Variants in QSER1 observed in about 807,000 individuals in gnomAD.
The protein encoded by QSER1 is glutamine and serine rich 1.
In QSER1, 49 loss-of-function variants were observed where a neutral mutation model predicts 158.5. The ratio of observed to expected loss-of-function variants is 0.31; its 90% CI spans 0.25 to 0.39. The LOEUF (loss-of-function observed/expected upper bound fraction) is 0.39. Ranked by LOEUF, QSER1 falls within the 10% of genes least tolerant of loss-of-function variation. The pLI, the probability that QSER1 is intolerant of heterozygous loss-of-function variation, is 1.00. For missense variants in QSER1, 1,754 were observed against 2,010.3 expected, an observed-to-expected ratio of 0.87 and a Z score of 2.44; for synonymous variants, 650 against 715.5, an observed-to-expected ratio of 0.91 and a Z score of 1.46.
intron 1 of QSER1, among the ~76,000 whole-genome samples, chr11:32,895,805 T>C (rs990809122): frequency 2.0e-5 from 3 of 152,152 alleles, no homozygotes; most frequent in African/African-American, 4.8e-5. Flanking sequence ...TTTTCATCAG[T>C]TGATGGGAAG....
At chr11:32,911,763 A>C (rs1048097974) in intron 1 of QSER1, among the ~76,000 whole-genome samples, 1 of 152,228 alleles carries the variant, frequency 6.6e-6, no homozygotes, top group Admixed American at 6.5e-5. Flanking sequence ...CTCTCCAGCC[A>C]TGCTGAACTG....
chr11:32,916,713 A>T (rs1851835037), intron 1 of QSER1, among the ~76,000 whole-genome samples: 1 of 152,210 alleles, frequency 6.6e-6, no homozygotes, highest in Non-Finnish European at 1.5e-5. Context: ...AAGGTACAGT[A>T]AAAATAAGGT....
chr11:32,966,365 A>G lies in QSER1; in HGVS notation c.5035A>G (p.Lys1679Glu). The change falls in exon 9 of 13, where the codon AAG (lysine) becomes GAG (glutamate). Residue 1679 changes from lysine (K) to glutamate (E), a missense_variant. Lys to Glu is a moderately conservative substitution (Grantham distance 56). Around this residue, in one of 2 missense-constraint regions of QSER1, gnomAD observed 1,707 missense variants for 1,919.6 expected, o/e 0.89. Transcript: ENST00000650167. ...LNTRAMKETF[K>E]SYMELLVSIA... ...CACAAGAGCAATGAAGGAAACCTTT[A>G]AGAGCTACATGGAATTGCTTGTTAG... is the stretch of plus-strand genomic sequence containing the variant. The G allele has an allele frequency of 6.2e-7, 1 of 1,614,112 alleles. No homozygotes were observed. Among genetic ancestry groups the G allele is most frequent in the Non-Finnish European group, 8.5e-7 (1 of 1,179,980 alleles).
intron 1 of QSER1, among the ~76,000 whole-genome samples, chr11:32,896,196 G>A (rs1851552250): frequency 6.6e-6 from 1 of 152,170 alleles, no homozygotes; most frequent in Non-Finnish European, 1.5e-5. Context: ...TCAAGAGTCT[G>A]CAGATCCATT....
At chr11:32,955,842 A>T in intron 6 of QSER1, 146 bp from the exon 7 acceptor site, 1 of 639,172 alleles carries the variant, frequency 1.6e-6, no homozygotes, top group Non-Finnish European at 2.7e-6. Context: ...TGAGCCTGGG[A>T]TCAGTTTTTG....
At position 32,932,740 on chromosome 11, in the gene QSER1, G is replaced by T; in HGVS notation, c.1482G>T (p.Lys494Asn). 1 of 1,614,100 alleles carries T rather than the reference G, an allele frequency of 6.2e-7. No individual in the cohort carries two copies. Residue 494 changes from lysine (K) to asparagine (N), a missense_variant, in exon 4 of 13, where the codon AAG becomes AAT. Coordinates refer to ENST00000650167, the MANE Select transcript of QSER1 (RefSeq NM_001076786.3). ...ATTCACAGGTTTATAGGTCCAGCAAGGTTGAGAAATTGCCACCCTTGTATA... is the reference window on the plus strand; with the variant it reads ...ATTCACAGGTTTATAGGTCCAGCAATGTTGAGAAATTGCCACCCTTGTATA... ...IVHSQVYRSSKVEKLPPLYKT... is the reference protein window; with the variant it reads ...IVHSQVYRSSNVEKLPPLYKT...
Position 32,958,085 on chromosome 11 carries a change from G to A in QSER1, c.4968G>A (p.Glu1656=), listed in dbSNP as rs1019401795. ...TCCATACTAGTAGTAGTGACGATGA[G>A]GGTGAGTTTTCCGTGAAATGGCTAC... The part of the protein sequence containing the change: ...PEIHTSSSDD[E]EFEPPAPFVT... The change falls in exon 8 of 13, where the codon GAG becomes GAA. Residue 1656 remains glutamate (E), a splice_region_variant and synonymous_variant. Coordinates refer to ENST00000650167, the MANE Select transcript of QSER1 (RefSeq NM_001076786.3). 1.2e-6 allele frequency: 2 copies of A among 1,612,624 alleles called. No individual in the cohort carries two copies. The highest frequency in any genetic ancestry group is 1.7e-5 in the Admixed American group (1 of 59,958).
At chr11:32,966,539 T>C in intron 9 of QSER1, 102 bp downstream of exon 9, 1 of 1,009,452 alleles carries the variant, frequency 9.9e-7, no homozygotes, top group Non-Finnish European at 1.4e-6. Flanking sequence ...GTGTAATATA[T>C]ACCTATAAAT....
At chr11:32,945,065 C>CT (rs1192134568) in intron 4 of QSER1, among the ~76,000 whole-genome samples, 5 of 128,270 alleles carry the variant, frequency 3.9e-5, no homozygotes, top group African/African-American at 1.5e-4. Context: ...CAACCCCTGC[C>CT]TTTTTTTGTT....
At chr11:32,923,755 A>G (rs745327505) in intron 1 of QSER1, among the ~76,000 whole-genome samples, 15 of 151,838 alleles carry the variant, frequency 9.9e-5, no homozygotes, top group Non-Finnish European at 1.8e-4. Context: ...GGATCACGAG[A>G]TCAGAAGATC....
chr11:32,910,772 A>G (rs144193059), intron 1 of QSER1, among the ~76,000 whole-genome samples: 181 of 152,330 alleles, frequency 1.2e-3, no homozygotes, highest in African/African-American at 4.1e-3. Context: ...CAAAATGGAC[A>G]TTTTAGATCT....
chr11:32,945,222 T>C (rs1316486930), intron 4 of QSER1, among the ~76,000 whole-genome samples: 2 of 149,600 alleles, frequency 1.3e-5, no homozygotes, highest in African/African-American at 4.9e-5. Flanking sequence ...AATTGGAGCA[T>C]TTAGTCCATT....
chr11:32,920,779 A>T (rs1332932273), intron 1 of QSER1, among the ~76,000 whole-genome samples: 1 of 152,186 alleles, frequency 6.6e-6, no homozygotes, highest in African/African-American at 2.4e-5. Context: ...ATTAGTCATA[A>T]TGAGGTAAAT....
intron 8 of QSER1, among the ~76,000 whole-genome samples, chr11:32,959,150 T>C (rs1852577335): frequency 6.6e-6 from 1 of 152,232 alleles, no homozygotes; most frequent in Non-Finnish European, 1.5e-5. Context: ...AGACTGAATC[T>C]GACCCTCAGC....
Position 32,933,536 on chromosome 11 carries a change from AAAG to A in QSER1, c.2284_2286del (p.Glu762del), listed in dbSNP as rs1852087389. On this transcript the variant is annotated inframe_deletion, in exon 4 of 13. Coordinates refer to ENST00000650167, the MANE Select transcript of QSER1 (RefSeq NM_001076786.3). ...TGGGGTTGCTCTGCAAGCATCAAAA[AAAG>A]AAGAAAGTGTTGTTGGTTCAGTGAC... 1.2e-6 allele frequency: 2 copies of A among 1,613,314 alleles called. No individual in the cohort carries two copies. The highest frequency in any genetic ancestry group is 2.7e-5 in the African/African-American group (2 of 74,914).
chr11:32,971,821 T>C (rs1037235406), intron 10 of QSER1, among the ~76,000 whole-genome samples: 1 of 152,074 alleles, frequency 6.6e-6, no homozygotes, highest in Non-Finnish European at 1.5e-5. Flanking sequence ...CCCAGCACTT[T>C]GGGAGGCCGA....
chr11:32,912,765 T>C (rs1851783884), intron 1 of QSER1, among the ~76,000 whole-genome samples: 1 of 152,040 alleles, frequency 6.6e-6, no homozygotes, highest in Non-Finnish European at 1.5e-5. Context: ...TTTAAAAAAC[T>C]GGCCAGACAT....
chr11:32,975,110 T>C (rs1429465403), intron 11 of QSER1, 138 bp from the exon 12 acceptor site: 1 of 475,946 alleles, frequency 2.1e-6, no homozygotes, highest in Non-Finnish European at 3.7e-6. Flanking sequence ...AGTCTCTCCA[T>C]ATTAACCCAA....
At chr11:32,929,452 G>A (rs899524083) in intron 3 of QSER1, among the ~76,000 whole-genome samples, 1 of 152,126 alleles carries the variant, frequency 6.6e-6, no homozygotes, top group Non-Finnish European at 1.5e-5. Flanking sequence ...ATTGCATTCA[G>A]AAGGGCTTGG....
Sources: gnomAD v4.1 joint callset for allele counts (sites outside exome capture counted in the v4.1 genomes callset) on GRCh38, gnomAD v4.1.1 for gene constraint, gnomAD v4.1.1 regional missense constraint, MANE v1.5 for transcripts, NCBI Gene and HGNC (gene_info 2026-07-23, HGNC 2026-07-21) for gene names.